Variants in EIF4G3 observed in about 807,000 individuals in gnomAD.
The protein encoded by EIF4G3 is eukaryotic translation initiation factor 4 gamma 3, also known as eIF-4-gamma 3.
Under a neutral mutation model 186.4 loss-of-function variants are expected in EIF4G3, and 34 were observed. The observed-to-expected ratio is 0.18, with a 90% CI of 0.14 to 0.24. The LOEUF is 0.24. Among genes scored for constraint, EIF4G3 ranks in the 10% least tolerant of loss-of-function variants. The pLI is 1.00. For synonymous variants in EIF4G3, 673 were observed against 679.5 expected (o/e 0.99, Z 0.15); for missense variants, 1,536 against 1,948.5 (o/e 0.79, Z 3.99).
chr1:21,175,363 G>A (rs2098081937), intron 2 of EIF4G3: 1 of 152,146 alleles, frequency 6.6e-6, no homozygotes, highest in Non-Finnish European at 1.5e-5. Flanking sequence ...TTCAATACTA[G>A]ACTTTCCTCC....
chr1:21,023,154 C>T (rs2091152193), intron 4 of EIF4G3, among the ~76,000 whole-genome samples: 1 of 151,892 alleles, frequency 6.6e-6, no homozygotes, highest in Non-Finnish European at 1.5e-5. Context: ...AGACACGATT[C>T]CTATGCACAG....
At chr1:21,137,516 A>G (rs1290603432) in intron 2 of EIF4G3, among the ~76,000 whole-genome samples, 2 of 152,176 alleles carry the variant, frequency 1.3e-5, no homozygotes, top group Non-Finnish European at 2.9e-5. Context: ...AGTATTCAAC[A>G]AAGTATAGCT....
chr1:20,985,926 A>C (rs556494534), intron 7 of EIF4G3, among the ~76,000 whole-genome samples: 1 of 152,088 alleles, frequency 6.6e-6, no homozygotes, highest in Non-Finnish European at 1.5e-5. Flanking sequence ...TTTTCTCCCT[A>C]TATCACCTAT....
intron 12 of EIF4G3, among the ~76,000 whole-genome samples, chr1:20,954,394 G>A (rs922732301): frequency 1.1e-4 from 16 of 151,890 alleles, no homozygotes; most frequent in Admixed American, 9.2e-4. Context: ...AAATAAGCTG[G>A]ACACAGTGGC....
chr1:20,946,994 T>C (rs2095978734), intron 13 of EIF4G3, among the ~76,000 whole-genome samples: 1 of 152,120 alleles, frequency 6.6e-6, no homozygotes, highest in South Asian at 2.1e-4. Flanking sequence ...ATAACAATCT[T>C]TGAGAAAAGT....
intron 6 of EIF4G3, among the ~76,000 whole-genome samples, chr1:21,000,878 T>A (rs1302541828): frequency 2.0e-5 from 3 of 152,124 alleles, no homozygotes; most frequent in Non-Finnish European, 4.4e-5. Context: ...AATTATAAAA[T>A]TGAAAGGGAG....
At position 20,985,932 on chromosome 1, in the gene EIF4G3, C is replaced by T. The variant is rs577345985; in HGVS notation, c.178-3524G>A. Among the ~76,000 whole-genome samples the T allele has an allele frequency of 6.6e-5, 10 of 152,288 alleles. No individual in the cohort carries two copies. The South Asian group carries it at 2.1e-3, about 32-fold the overall frequency. On this transcript the variant is annotated intron_variant, in intron 7 of 36. Transcript: ENST00000602326. ...GCCCCCAATTTTTCTCCCTATATCACCTATCCACTTGTCTCGTGTCCATCC... is the reference window on the plus strand; with the variant it reads ...GCCCCCAATTTTTCTCCCTATATCATCTATCCACTTGTCTCGTGTCCATCC...
At chr1:20,925,988 GCA>G (rs1161369737) in intron 14 of EIF4G3, among the ~76,000 whole-genome samples, 2 of 152,138 alleles carry the variant, frequency 1.3e-5, no homozygotes, top group Admixed American at 1.3e-4. Flanking sequence ...TTCAGGGTGA[GCA>G]CATTTGACTT....
chr1:21,047,438 G>A (rs542537984), intron 4 of EIF4G3, among the ~76,000 whole-genome samples: 1 of 152,250 alleles, frequency 6.6e-6, no homozygotes, highest in East Asian at 1.9e-4. Flanking sequence ...TGTTCACACT[G>A]AAGTCTCATT....
intron 2 of EIF4G3, among the ~76,000 whole-genome samples, chr1:21,105,184 A>G (rs2096593463): frequency 6.6e-6 from 1 of 152,254 alleles, no homozygotes. Flanking sequence ...GCACTTTGGG[A>G]GGCCAAGGCA....
chr1:20,997,505 G>C, intron 7 of EIF4G3, 96 bp downstream of exon 7: 1 of 1,159,768 alleles, frequency 8.6e-7, no homozygotes, highest in Non-Finnish European at 1.3e-6. Flanking sequence ...AGTAATTTGA[G>C]TAGTTCTATG....
chr1:21,027,408 A>T (rs866982367), intron 4 of EIF4G3, among the ~76,000 whole-genome samples: 3 of 151,878 alleles, frequency 2.0e-5, no homozygotes, highest in Admixed American at 6.6e-5. Context: ...AGGCATGCAG[A>T]TCACAAGGTC....
chr1:20,975,397 A>C (rs918583209), intron 10 of EIF4G3, among the ~76,000 whole-genome samples: 2 of 151,838 alleles, frequency 1.3e-5, no homozygotes, highest in African/African-American at 2.4e-5. Context: ...AAAAAAAAAA[A>C]AAACCTGGAT....
intron 2 of EIF4G3, among the ~76,000 whole-genome samples, chr1:21,097,375 T>C (rs1297893359): frequency 1.3e-5 from 2 of 152,310 alleles, no homozygotes; most frequent in Non-Finnish European, 2.9e-5. Flanking sequence ...ACTTGACATA[T>C]CCTCTACCTC....
intron 15 of EIF4G3, 97 bp from the exon 16 acceptor site, chr1:20,900,040 ATG>A (rs1451152907): frequency 8.1e-7 from 1 of 1,232,426 alleles, no homozygotes; most frequent in Non-Finnish European, 1.1e-6. Flanking sequence ...AAAGGAAAAC[ATG>A]TCATTCAAGG....
intron 2 of EIF4G3, among the ~76,000 whole-genome samples, chr1:21,120,063 AC>A (rs1317454924): frequency 1.3e-5 from 2 of 151,738 alleles, no homozygotes; most frequent in South Asian, 2.1e-4. Context: ...ATATAAATAT[AC>A]CAAATTCTTA....
intron 3 of EIF4G3, among the ~76,000 whole-genome samples, chr1:21,053,799 G>C (rs1003967999): frequency 6.7e-6 from 1 of 148,836 alleles, no homozygotes; most frequent in African/African-American, 2.5e-5. Context: ...CTACTGGGAA[G>C]AGAGGAGCCC....
Position 20,899,884 on chromosome 1 carries a change from C to A in EIF4G3, c.1812G>T (p.Met604Ile), listed in dbSNP as rs1275879380. 1.9e-6 allele frequency: 3 copies of A among 1,614,010 alleles called. No homozygotes were observed. The highest frequency in any genetic ancestry group is 2.5e-6 in the Non-Finnish European group (3 of 1,179,962). The change falls in exon 16 of 37, where the codon ATG (methionine) becomes ATT (isoleucine). Residue 604 changes from methionine to isoleucine, a missense_variant. Around this residue, in one of 11 missense-constraint regions of EIF4G3, gnomAD observed 560 missense variants for 547.8 expected, o/e 1.02. Coordinates refer to ENST00000602326, the MANE Select transcript of EIF4G3 (RefSeq NM_001391906.1). ...CTCTTTCAGGATGAAACCCCTGGCT[C>A]ATTTTATCTTGTTCAGATTCAAGTA... ...DKVLESEQDK[M>I]SQGFHPERDP...
chr1:20,814,116 C>T (rs2059865895), intron 34 of EIF4G3, among the ~76,000 whole-genome samples: 1 of 151,598 alleles, frequency 6.6e-6, no homozygotes, highest in Non-Finnish European at 1.5e-5. Flanking sequence ...TCCCGAGTAG[C>T]TGGGACTACT....
Sources: allele counts gnomAD v4.1 joint callset (sites outside exome capture counted in the v4.1 genomes callset), GRCh38; gene constraint gnomAD v4.1.1; regional missense constraint gnomAD v4.1.1; transcripts MANE v1.5; gene names NCBI Gene and HGNC (gene_info 2026-07-23, HGNC 2026-07-21).